HMGCLL1: variants seen among roughly 807,000 people sequenced by gnomAD.
The protein encoded by HMGCLL1 is 3-hydroxymethyl-3-methylglutaryl-CoA lyase, cytoplasmic.
Under a neutral mutation model 39.1 loss-of-function variants are expected in HMGCLL1, and 36 were observed. That is an observed-to-expected ratio of 0.92 (90% CI 0.71 to 1.22). The LOEUF (loss-of-function observed/expected upper bound fraction) is 1.22, where lower values mean the gene tolerates loss of function less well. Ranked by LOEUF, HMGCLL1 falls within the 50% of genes most tolerant of loss-of-function variation. The pLI, the probability that HMGCLL1 is intolerant of heterozygous loss-of-function variation, is 0.00. For missense variants in HMGCLL1, 451 were observed against 416.5 expected, an observed-to-expected ratio of 1.08 and a Z score of -0.72; for synonymous variants, 149 against 144.0, an observed-to-expected ratio of 1.03 and a Z score of -0.25.
intron 7 of HMGCLL1, among the ~76,000 whole-genome samples, chr6:55,473,477 T>C (rs1765135632): frequency 6.6e-6 from 1 of 151,352 alleles, no homozygotes; most frequent in Non-Finnish European, 1.5e-5. Flanking sequence ...AATAATACTA[T>C]ACCATTTCAT....
the HMGCLL1 span, among the ~76,000 whole-genome samples, chr6:55,668,688 A>T: frequency 6.6e-6 from 1 of 152,016 alleles, no homozygotes; most frequent in South Asian, 2.1e-4. Context: ...GGAAGTGAAC[A>T]TTGTGTTAAA....
chr6:55,649,066 T>C, the HMGCLL1 span, among the ~76,000 whole-genome samples: 2 of 152,140 alleles, frequency 1.3e-5, no homozygotes, highest in Admixed American at 1.3e-4. Context: ...AGTTATTATT[T>C]TTTATTGGTT....
At chr6:55,637,756 C>CTG in the HMGCLL1 span, among the ~76,000 whole-genome samples, 2 of 144,056 alleles carry the variant, frequency 1.4e-5, no homozygotes, top group East Asian at 4.0e-4. Flanking sequence ...CTGTGTGTGT[C>CTG]TGTGTGTGTG....
At chr6:55,593,857 G>A in the HMGCLL1 span, among the ~76,000 whole-genome samples, 1 of 152,116 alleles carries the variant, frequency 6.6e-6, no homozygotes, top group Non-Finnish European at 1.5e-5. Context: ...GATTTTGGAA[G>A]TGAAAAATCA....
intron 7 of HMGCLL1, among the ~76,000 whole-genome samples, chr6:55,477,170 A>ATAT (rs1561903970): frequency 4.4e-5 from 2 of 45,508 alleles, no homozygotes; most frequent in African/African-American, 2.2e-4. Flanking sequence ...TTATAATATA[A>ATAT]TATATATTAT....
At chr6:55,566,289 T>C (rs958722189) in intron 1 of HMGCLL1, among the ~76,000 whole-genome samples, 7 of 152,182 alleles carry the variant, frequency 4.6e-5, no homozygotes, top group African/African-American at 1.7e-4. Flanking sequence ...TGGGGCTTCC[T>C]GCCTCATTGT....
intron 7 of HMGCLL1, among the ~76,000 whole-genome samples, chr6:55,473,169 A>G (rs1765120198): frequency 6.6e-6 from 1 of 151,446 alleles, no homozygotes; most frequent in Non-Finnish European, 1.5e-5. Context: ...TGTAGATAAC[A>G]AATAGTTGGG....
At position 55,578,994 on chromosome 6, in the gene HMGCLL1, T is replaced by A. The variant is rs369479879; in HGVS notation, c.62A>T (p.His21Leu). 23 of 1,613,678 alleles carry A rather than the reference T, an allele frequency of 1.4e-5. No homozygotes were observed. Among genetic ancestry groups the A allele is most frequent in the Non-Finnish European group, 1.9e-5 (22 of 1,179,896 alleles). The change falls in exon 1 of 9, where the codon CAT (histidine) becomes CTT (leucine). Residue 21 changes from histidine to leucine, a missense_variant. Transcript: ENST00000274901. ...TGCCACTGAATCCCCGATCCAGAGA[T>A]GCTCCCGGAGAAGCTGCTGGTAGCT... ...CLSYQQLLREHLWIGDSVAGA... is the reference protein window; with the variant it reads ...CLSYQQLLRELLWIGDSVAGA...
chr6:55,568,038 C>T (rs919199054), intron 1 of HMGCLL1, among the ~76,000 whole-genome samples: 1 of 152,052 alleles, frequency 6.6e-6, no homozygotes, highest in Non-Finnish European at 1.5e-5. Context: ...AAATAAAAAC[C>T]TCCATGAATC....
At chr6:55,610,826 C>T in the HMGCLL1 span, among the ~76,000 whole-genome samples, 6 of 152,224 alleles carry the variant, frequency 3.9e-5, no homozygotes, top group Non-Finnish European at 7.4e-5. Context: ...ATCAGATTAA[C>T]AGTGGATCTC....
chr6:55,580,484 C>T (rs1004120575), upstream of HMGCLL1, among the ~76,000 whole-genome samples: 4 of 125,304 alleles, frequency 3.2e-5, no homozygotes, highest in Non-Finnish European at 6.3e-5. Context: ...GGCGCGATGT[C>T]GGCTCACTGA....
chr6:55,532,866 T>C (rs533338033), intron 3 of HMGCLL1, among the ~76,000 whole-genome samples: 2 of 149,644 alleles, frequency 1.3e-5, no homozygotes, highest in East Asian at 3.9e-4. Flanking sequence ...GTTTCCACCA[T>C]CCCAACAAAA....
At chr6:55,647,008 A>C in the HMGCLL1 span, among the ~76,000 whole-genome samples, 1 of 151,926 alleles carries the variant, frequency 6.6e-6, no homozygotes, top group South Asian at 2.1e-4. Flanking sequence ...CTATTCTTGT[A>C]GTGGGGTCTA....
the HMGCLL1 span, among the ~76,000 whole-genome samples, chr6:55,651,305 G>T: frequency 6.6e-6 from 1 of 152,070 alleles, no homozygotes; most frequent in Non-Finnish European, 1.5e-5. Context: ...AGCTCCAGTA[G>T]TGGTGGCCAC....
chr6:55,436,592 T>C (rs1024448633), intron 8 of HMGCLL1, among the ~76,000 whole-genome samples: 50 of 152,066 alleles, frequency 3.3e-4, no homozygotes, highest in African/African-American at 1.2e-3. Context: ...GCTTCTATGT[T>C]CCCCCTCAAT....
At chr6:55,531,350 C>A (rs539694940) in intron 3 of HMGCLL1, among the ~76,000 whole-genome samples, 1 of 152,080 alleles carries the variant, frequency 6.6e-6, no homozygotes, top group East Asian at 1.9e-4. Context: ...TCTTTCTGAG[C>A]CATACTGGAC....
chr6:55,650,104 T>TACACACATATAC, the HMGCLL1 span, among the ~76,000 whole-genome samples: 1 of 68,756 alleles, frequency 1.5e-5, no homozygotes, highest in African/African-American at 6.0e-5. Context: ...TATATATATA[T>TACACACATATAC]ATATATATAT....
the HMGCLL1 span, among the ~76,000 whole-genome samples, chr6:55,652,772 G>A: frequency 6.6e-6 from 1 of 152,022 alleles, no homozygotes; most frequent in Non-Finnish European, 1.5e-5. Flanking sequence ...GAAAACAAGG[G>A]CTGCCTTTGT....
chr6:55,520,154 G>A (rs948495864), intron 3 of HMGCLL1, among the ~76,000 whole-genome samples: 13 of 150,626 alleles, frequency 8.6e-5, no homozygotes, highest in African/African-American at 2.0e-4. Context: ...TGTAGATGAC[G>A]GGTTGATGGG....
Sources: allele counts gnomAD v4.1 joint callset (sites outside exome capture counted in the v4.1 genomes callset), GRCh38; gene constraint gnomAD v4.1.1; transcripts MANE v1.5; gene names NCBI Gene and HGNC (gene_info 2026-07-23, HGNC 2026-07-21).